NAALADL2: variants seen among roughly 807,000 people sequenced by gnomAD.
The protein encoded by NAALADL2 is inactive N-acetylated-alpha-linked acidic dipeptidase-like protein 2.
NAALADL2 carries 76 observed loss-of-function variants against 87.2 expected under a neutral mutation model. That is an observed-to-expected ratio of 0.87 (90% confidence interval 0.72 to 1.05). NAALADL2 has a LOEUF of 1.05. NAALADL2 is among the 50% of genes least tolerant of loss of function. The pLI, the probability that NAALADL2 is intolerant of heterozygous loss-of-function variation, is 0.00. For synonymous variants in NAALADL2, 354 were observed against 331.0 expected, an observed-to-expected ratio of 1.07 and a Z score of -0.75; for missense variants, 1,089 against 945.8, an observed-to-expected ratio of 1.15 and a Z score of -1.99.
At chr3:174,648,529 C>T (rs1724036192) in intron 2 of NAALADL2, among the ~76,000 whole-genome samples, 1 of 152,068 alleles carries the variant, frequency 6.6e-6, no homozygotes, top group Non-Finnish European at 1.5e-5. Flanking sequence ...TTCCATACAA[C>T]TCTTCCTTAT....
At chr3:175,379,883 T>C (rs146210440) in intron 5 of NAALADL2, among the ~76,000 whole-genome samples, 1 of 152,236 alleles carries the variant, frequency 6.6e-6, no homozygotes, top group Non-Finnish European at 1.5e-5. Flanking sequence ...TGGTGGAAGG[T>C]TGTGTATGTT....
chr3:174,607,799 C>T lies in NAALADL2; in HGVS notation c.-115+57162C>T, dbSNP rs142339981. Among the ~76,000 whole-genome samples, 658 of 152,218 alleles carry T rather than the reference C, an allele frequency of 4.3e-3. 5 individuals carry two copies. Among genetic ancestry groups the T allele is most frequent in the African/African-American group, 0.015 (621 of 41,546 alleles). On this transcript the variant is annotated intron_variant, in intron 2 of 3. Transcript: ENST00000434257. ...AAGGATACCCAGGAAGTGAACTCAG[C>T]TCTTCACCAAGTGGACCTAATAGAC...
intron 6 of NAALADL2, among the ~76,000 whole-genome samples, chr3:175,452,883 G>A (rs76120735): frequency 0.026 from 4,021 of 152,212 alleles, 79 homozygotes; most frequent in East Asian, 0.085. Flanking sequence ...AGAAAGTAGA[G>A]TCAATTCTCT....
intron 11 of NAALADL2, among the ~76,000 whole-genome samples, chr3:175,652,569 C>T (rs1211746386): frequency 6.7e-6 from 1 of 150,224 alleles, no homozygotes; most frequent in African/African-American, 2.5e-5. Flanking sequence ...AGCTCCGCCT[C>T]CCGGGTTCAC....
intron 9 of NAALADL2, among the ~76,000 whole-genome samples, chr3:175,480,660 T>C (rs889233248): frequency 6.6e-6 from 1 of 151,884 alleles, no homozygotes; most frequent in Admixed American, 6.6e-5. Flanking sequence ...AAAATAGTTT[T>C]TTCTGGCTTT....
Position 175,367,144 on chromosome 3 carries a change from A to G in NAALADL2, c.1090+42819A>G, listed in dbSNP as rs376334984. On this transcript the variant is annotated intron_variant, in intron 5 of 13. Transcript: ENST00000454872. ...CCTTTCCCCATTGCTTGTTTTTCTC[A>G]GGTTTGTCAAAGATCAGATAGTTGT... Among the ~76,000 whole-genome samples the G allele has an allele frequency of 3.3e-5, 5 of 151,312 alleles. No homozygotes were observed. The East Asian group carries it at 5.8e-4, about 18-fold the overall frequency.
chr3:175,038,690 T>A (rs1367126322), intron 1 of NAALADL2, among the ~76,000 whole-genome samples: 1 of 152,140 alleles, frequency 6.6e-6, no homozygotes, highest in Non-Finnish European at 1.5e-5. Context: ...TAAAATAAAG[T>A]CATTGGTCCC....
chr3:175,665,000 A>G (rs1490828609), intron 11 of NAALADL2, among the ~76,000 whole-genome samples: 1 of 152,180 alleles, frequency 6.6e-6, no homozygotes. Flanking sequence ...TGCAACTGAC[A>G]AGTGTGTATA....
intron 3 of NAALADL2, among the ~76,000 whole-genome samples, chr3:174,837,291 T>C (rs1255339368): frequency 6.6e-6 from 1 of 152,152 alleles, no homozygotes; most frequent in Admixed American, 6.5e-5. Flanking sequence ...ACAAGCTTAG[T>C]TAGAAATGAA....
chr3:175,652,209 G>A (rs2149790368), intron 11 of NAALADL2, among the ~76,000 whole-genome samples: 1 of 152,256 alleles, frequency 6.6e-6, no homozygotes, highest in African/African-American at 2.4e-5. Context: ...ATAAAGCATA[G>A]ATCTCTAGTA....
At chr3:175,717,992 T>TG (rs1177799819) in intron 11 of NAALADL2, among the ~76,000 whole-genome samples, 1 of 151,480 alleles carries the variant, frequency 6.6e-6, no homozygotes, top group African/African-American at 2.4e-5. Flanking sequence ...CTTGTATTTT[T>TG]TTGTTGTTGT....
chr3:175,385,479 G>A (rs1013515932), intron 5 of NAALADL2, among the ~76,000 whole-genome samples: 2 of 151,942 alleles, frequency 1.3e-5, no homozygotes, highest in African/African-American at 4.8e-5. Flanking sequence ...CTTTGGCTAG[G>A]CTACCAATTA....
At chr3:175,594,615 C>A (rs1319638718) in intron 10 of NAALADL2, among the ~76,000 whole-genome samples, 1 of 152,160 alleles carries the variant, frequency 6.6e-6, no homozygotes, top group Non-Finnish European at 1.5e-5. Context: ...AATTTACATT[C>A]CCATCAACAG....
chr3:174,712,331 A>G (rs530577192), intron 2 of NAALADL2, among the ~76,000 whole-genome samples: 4 of 151,664 alleles, frequency 2.6e-5, no homozygotes, highest in Admixed American at 2.0e-4. Flanking sequence ...AATAATTTCA[A>G]GAAAGGTCTA....
intron 10 of NAALADL2, among the ~76,000 whole-genome samples, chr3:175,584,262 C>T (rs932679508): frequency 7.2e-5 from 11 of 152,058 alleles, no homozygotes; most frequent in Admixed American, 2.0e-4. Context: ...GTCTCGAACT[C>T]CTGACCTCAG....
Position 174,987,581 on chromosome 3 carries a change from A to AT in NAALADL2, c.44-109209_44-109208insT, listed in dbSNP as rs1404295619. 9.7e-4 allele frequency among the ~76,000 whole-genome samples: 116 copies of AT among 119,992 alleles called. 8 individuals are homozygous for AT. Among genetic ancestry groups the AT allele is most frequent in the African/African-American group, 5.4e-3 (110 of 20,384 alleles). 78.7% of individuals were successfully genotyped at this position (119,992 alleles called of 152,430 possible). A position where few individuals can be genotyped will look rare whatever the true frequency, so the allele number is the denominator to read the frequency against. ...GAGACTCCGTCTCAAAAAAAAAAAA[A>AT]AAAAAAAAAAAAAAAAACAATACTC... On this transcript the variant is annotated intron_variant, in intron 1 of 13. Coordinates refer to ENST00000454872, the MANE Select transcript of NAALADL2 (RefSeq NM_207015.3).
intron 1 of NAALADL2, chr3:174,550,551 T>C (rs28562829): frequency 6.6e-6 from 1 of 152,088 alleles, no homozygotes; most frequent in African/African-American, 2.4e-5. Flanking sequence ...CAATTTTTTT[T>C]CCTTTTTTGT....
chr3:175,046,633 T>G (rs548590199), intron 1 of NAALADL2, among the ~76,000 whole-genome samples: 27 of 152,312 alleles, frequency 1.8e-4, no homozygotes, highest in African/African-American at 6.3e-4. Flanking sequence ...ATAAGCATAC[T>G]GGCAAAAACT....
intron 10 of NAALADL2, among the ~76,000 whole-genome samples, chr3:175,578,487 T>C (rs1286893523): frequency 6.6e-6 from 1 of 152,170 alleles, no homozygotes; most frequent in Non-Finnish European, 1.5e-5. Flanking sequence ...ATTGCTTATT[T>C]ACCACTTATT....
Sources: gnomAD v4.1 joint callset for allele counts (sites outside exome capture counted in the v4.1 genomes callset) on GRCh38, gnomAD v4.1.1 for gene constraint, MANE v1.5 for transcripts, NCBI Gene and HGNC (gene_info 2026-07-23, HGNC 2026-07-21) for gene names.